The following MERTK variants were observed in gnomAD, a reference collection of about 807,000 sequenced individuals.
The protein encoded by MERTK is tyrosine-protein kinase Mer.
A neutral mutation model predicts 99.3 loss-of-function variants in MERTK; 69 were observed. That is an observed-to-expected ratio of 0.70 (90% confidence interval 0.57 to 0.85). The LOEUF (loss-of-function observed/expected upper bound fraction) is 0.85, where lower values mean the gene tolerates loss of function less well. Ranked by LOEUF, MERTK falls within the 40% of genes least tolerant of loss-of-function variation. The pLI, the probability that MERTK is intolerant of heterozygous loss-of-function variation, is 0.00. For synonymous variants in MERTK, 426 were observed against 467.6 expected, an observed-to-expected ratio of 0.91 and a Z score of 1.15; for missense variants, 1,125 against 1,249.4, an observed-to-expected ratio of 0.90 and a Z score of 1.50.
At chr2:111,919,200 G>A (rs1684408933) in intron 1 of MERTK, among the ~76,000 whole-genome samples, 1 of 152,120 alleles carries the variant, frequency 6.6e-6, no homozygotes, top group East Asian at 1.9e-4. Context: ...TGGGCCCTCT[G>A]CATGAGGATT....
Position 111,972,992 on chromosome 2 carries a change from A to G in MERTK, c.961-2297A>G, listed in dbSNP as rs144142408. Among the ~76,000 whole-genome samples the G allele has an allele frequency of 6.5e-3, 987 of 152,290 alleles. 13 individuals carry two copies. Among genetic ancestry groups the G allele is most frequent in the African/African-American group, 0.023 (949 of 41,554 alleles). ...AATGTTTTGGATGAGATTCAGATCC[A>G]TGCACTAGCAGGACACACCCTCTCA... On this transcript the variant is annotated intron_variant, in intron 6 of 18. Coordinates refer to ENST00000295408, the MANE Select transcript of MERTK (RefSeq NM_006343.3).
Position 112,028,538 on chromosome 2 carries a change from C to G in MERTK, c.2674C>G (p.Pro892Ala). Residue 892 changes from proline to alanine, a missense_variant, in exon 19 of 19, where the codon CCA becomes GCA. By Grantham distance (27) the Pro-to-Ala change is conservative. Transcript: ENST00000295408. ...EGLAQGSTLA[P>A]LDLNIDPDSI... ...CCTGGCCCAGGGCTCCACCCTTGCTCCACTGGACTTGAACATCGACCCTGA... is the reference window on the plus strand; with the variant it reads ...CCTGGCCCAGGGCTCCACCCTTGCTGCACTGGACTTGAACATCGACCCTGA... 6.2e-7 allele frequency: 1 copy of G among 1,614,192 alleles called. No homozygotes were observed. The highest frequency in any genetic ancestry group is 8.5e-7 in the Non-Finnish European group (1 of 1,180,038).
intron 8 of MERTK, among the ~76,000 whole-genome samples, chr2:111,988,294 G>A (rs1036206276): frequency 2.6e-5 from 4 of 152,126 alleles, no homozygotes; most frequent in African/African-American, 7.2e-5. Flanking sequence ...TGAGGAATAG[G>A]CAAGGTTCTC....
intron 6 of MERTK, among the ~76,000 whole-genome samples, chr2:111,972,762 A>G (rs1174119431): frequency 6.6e-6 from 1 of 152,134 alleles, no homozygotes; most frequent in Admixed American, 6.5e-5. Flanking sequence ...ACATACCTAT[A>G]CTGAAAAGTT....
rs142612473 is a variant in MERTK at position 111,936,649 on chromosome 2, T to C, written c.482+7109T>C. Among the ~76,000 whole-genome samples the C allele has an allele frequency of 6.4e-3, 969 of 152,304 alleles. 13 individuals carry two copies. The highest frequency in any genetic ancestry group is 0.022 in the African/African-American group (935 of 41,560). On this transcript the variant is annotated intron_variant, in intron 2 of 18. Transcript: ENST00000295408. ...AAAACATTCAGTGTCTGCTACAGGTTGAGGTCCCTCGAGAGCATTCACCTG... is the reference window on the plus strand; with the variant it reads ...AAAACATTCAGTGTCTGCTACAGGTCGAGGTCCCTCGAGAGCATTCACCTG...
At chr2:112,026,721 G>C (rs1025012198) in intron 18 of MERTK, among the ~76,000 whole-genome samples, 1 of 152,156 alleles carries the variant, frequency 6.6e-6, no homozygotes, top group African/African-American at 2.4e-5. Context: ...TTCCGGATGC[G>C]TGTGCAAGTG....
At chr2:111,949,643 C>T (rs1282845212) in intron 4 of MERTK, among the ~76,000 whole-genome samples, 1 of 152,150 alleles carries the variant, frequency 6.6e-6, no homozygotes, top group Non-Finnish European at 1.5e-5. Context: ...TTGTACAACT[C>T]AGTGAGTTTT....
At chr2:111,981,737 GTACACA>G (rs61489705) in intron 7 of MERTK, among the ~76,000 whole-genome samples, 66,320 of 151,190 alleles carry the variant, frequency 0.44, 15,113 homozygotes, top group South Asian at 0.54. Context: ...GTACACTCGT[GTACACA>G]CACACACACA....
At chr2:112,003,386 A>C in intron 12 of MERTK, 199 bp downstream of exon 12, 1 of 485,926 alleles carries the variant, frequency 2.1e-6, no homozygotes, top group Non-Finnish European at 3.7e-6. Flanking sequence ...ATTCTCTTCA[A>C]TGCCTAGCAC....
chr2:111,944,376 G>A (rs1004681088), intron 2 of MERTK, among the ~76,000 whole-genome samples: 2 of 149,608 alleles, frequency 1.3e-5, no homozygotes, highest in Non-Finnish European at 3.0e-5. Flanking sequence ...CCAAGAAACC[G>A]AACCTATAGG....
intron 2 of MERTK, chr2:111,940,587 C>G (rs1684844619): frequency 1.5e-6 from 1 of 645,564 alleles, no homozygotes; most frequent in Non-Finnish European, 3.0e-6. Flanking sequence ...TAAGCATTAC[C>G]AGGCAATCAT....
At chr2:111,977,683 A>C (rs1573615078) in intron 7 of MERTK, among the ~76,000 whole-genome samples, 1 of 152,092 alleles carries the variant, frequency 6.6e-6, no homozygotes, top group South Asian at 2.1e-4. Flanking sequence ...CTCCAGTTAC[A>C]TATATATTAG....
At position 112,029,324 on chromosome 2, in the gene MERTK, A is replaced by G. The variant is rs1677534177; in HGVS notation, c.*460A>G. On this transcript the variant is annotated 3_prime_UTR_variant, in exon 19 of 19. Coordinates refer to ENST00000295408, the MANE Select transcript of MERTK (RefSeq NM_006343.3). ...TTCAATGTTTAAAGTTGTATAACTG[A>G]TTAATTTTCTGATATGGCTTCCTAA... 2.1e-6 allele frequency: 2 copies of G among 947,476 alleles called. No individual in the cohort carries two copies. Among genetic ancestry groups the G allele is most frequent in the South Asian group, 4.8e-5 (1 of 20,750 alleles). The allele number at this position is 947,476 out of a possible 1,614,324, so 58.7% of individuals were successfully genotyped here. A position where few individuals can be genotyped will look rare whatever the true frequency, so the allele number is the denominator to read the frequency against.
At chr2:111,924,805 C>T (rs908161482) in intron 1 of MERTK, among the ~76,000 whole-genome samples, 9 of 152,228 alleles carry the variant, frequency 5.9e-5, no homozygotes, top group Non-Finnish European at 1.2e-4. Context: ...TCTTCAGTTT[C>T]CCACCACCTT....
At chr2:111,973,667 C>T (rs948801268) in intron 6 of MERTK, among the ~76,000 whole-genome samples, 16 of 152,050 alleles carry the variant, frequency 1.1e-4, no homozygotes, top group South Asian at 2.1e-4. Flanking sequence ...ATGTTTTACC[C>T]GATATCATTT....
intron 2 of MERTK, among the ~76,000 whole-genome samples, chr2:111,937,986 G>A (rs896324937): frequency 6.6e-6 from 1 of 152,060 alleles, no homozygotes; most frequent in Non-Finnish European, 1.5e-5. Flanking sequence ...TGGCATTCAC[G>A]TTTTTGTGCA....
At chr2:111,999,960 G>A (rs1676835567) in intron 10 of MERTK, among the ~76,000 whole-genome samples, 1 of 152,148 alleles carries the variant, frequency 6.6e-6, no homozygotes, top group African/African-American at 2.4e-5. Flanking sequence ...ATATTACAAA[G>A]TACCTTCTCA....
At chr2:111,902,607 A>G (rs1684064104) in intron 1 of MERTK, among the ~76,000 whole-genome samples, 1 of 151,614 alleles carries the variant, frequency 6.6e-6, no homozygotes, top group Admixed American at 6.6e-5. Context: ...TTTTCCCAAG[A>G]TCTCGGCATG....
intron 2 of MERTK, among the ~76,000 whole-genome samples, chr2:111,943,287 C>T (rs975469020): frequency 2.0e-5 from 3 of 152,166 alleles, no homozygotes; most frequent in Non-Finnish European, 2.9e-5. Flanking sequence ...TCTTTTTCTT[C>T]GTTCCCCTGG....
Sources: gnomAD v4.1 joint callset for allele counts (sites outside exome capture counted in the v4.1 genomes callset) on GRCh38, gnomAD v4.1.1 for gene constraint, MANE v1.5 for transcripts, NCBI Gene and HGNC (gene_info 2026-07-23, HGNC 2026-07-21) for gene names.